OSBPL11: variants seen among roughly 807,000 people sequenced by gnomAD.
OSBPL11 encodes the protein oxysterol-binding protein-related protein 11.
In OSBPL11, 33 loss-of-function variants were observed where a neutral mutation model predicts 84.4. The ratio of observed to expected loss-of-function variants is 0.39; its 90% CI spans 0.30 to 0.52. The LOEUF (loss-of-function observed/expected upper bound fraction) is 0.52. Among genes scored for constraint, OSBPL11 ranks in the 20% least tolerant of loss-of-function variants. The pLI is 0.72. For missense variants in OSBPL11, 736 were observed against 901.1 expected, an observed-to-expected ratio of 0.82 and a Z score of 2.35; for synonymous variants, 276 against 310.2, an observed-to-expected ratio of 0.89 and a Z score of 1.16.
intron 6 of OSBPL11, among the ~76,000 whole-genome samples, chr3:125,564,639 A>C (rs1265200066): frequency 2.0e-5 from 3 of 151,656 alleles, no homozygotes; most frequent in Non-Finnish European, 4.4e-5. Context: ...GAAATGTAGG[A>C]GTAGGAAATG....
chr3:125,545,001 A>G (rs1027885044), intron 10 of OSBPL11, among the ~76,000 whole-genome samples: 4 of 152,166 alleles, frequency 2.6e-5, no homozygotes, highest in Non-Finnish European at 5.9e-5. Context: ...AGCCTTTTAG[A>G]TTTTCTAGAT....
In OSBPL11 at chr3:125,576,327, T is replaced by A. The variant is rs1446674142; in HGVS notation, c.528A>T (p.Ala176=). 1 of 1,600,196 alleles carries A rather than the reference T, an allele frequency of 6.2e-7. No homozygotes were observed. The stretch of plus-strand genomic sequence containing the variant: ...GCGATATAGGAGAATTACTACTAGA[T>A]GCAAGTGAGAAGCTCCGTGACTTCA... ...PPLKSRSFSL[A]SSSNSPISQR... is the part of the protein sequence containing the mutation. The change falls in exon 5 of 13, where the codon GCA becomes GCT. Residue 176 remains alanine, a synonymous_variant. Coordinates refer to ENST00000296220, the MANE Select transcript of OSBPL11 (RefSeq NM_022776.5).
intron 3 of OSBPL11, among the ~76,000 whole-genome samples, chr3:125,579,399 TATACTTTGTG>T (rs1238286888): frequency 1.3e-5 from 2 of 152,240 alleles, no homozygotes; most frequent in Admixed American, 6.5e-5. Flanking sequence ...GGATTACCAT[TATACTTTGTG>T]TATTCATTAA....
intron 10 of OSBPL11, among the ~76,000 whole-genome samples, chr3:125,542,257 A>G (rs994587948): frequency 4.6e-5 from 7 of 152,216 alleles, no homozygotes; most frequent in African/African-American, 1.7e-4. Flanking sequence ...TAAGAAAGGT[A>G]TATTTAAAAA....
chr3:125,532,519 G>A (rs1429842995), intron 11 of OSBPL11, among the ~76,000 whole-genome samples: 2 of 150,140 alleles, frequency 1.3e-5, no homozygotes, highest in East Asian at 2.0e-4. Flanking sequence ...GCTCTAACTC[G>A]CTGTCCAGAG....
chr3:125,574,145 G>A (rs1472519812), intron 5 of OSBPL11, among the ~76,000 whole-genome samples: 1 of 151,940 alleles, frequency 6.6e-6, no homozygotes. Context: ...CTTTTTCACT[G>A]TGGTGACATC....
intron 9 of OSBPL11, among the ~76,000 whole-genome samples, chr3:125,550,425 A>AAGAGAGAG (rs35797005): frequency 0.065 from 9,728 of 149,648 alleles, 438 homozygotes; most frequent in Non-Finnish European, 0.096. Context: ...AAAAAAAAAA[A>AAGAGAGAG]AGAGAGTACT....
At chr3:125,532,101 T>TG in intron 11 of OSBPL11, 87 bp from the exon 12 acceptor site, 1 of 1,355,680 alleles carries the variant, frequency 7.4e-7, no homozygotes, top group Non-Finnish European at 1.0e-6. Flanking sequence ...ACAATAATTT[T>TG]ATAAAATAAC....
intron 1 of OSBPL11, among the ~76,000 whole-genome samples, chr3:125,593,426 C>A (rs1936631687): frequency 1.3e-5 from 2 of 152,044 alleles, no homozygotes; most frequent in Admixed American, 6.6e-5. Context: ...TCGAGACCAG[C>A]CTGGCCAACA....
At chr3:125,572,848 T>C (rs1411718207) in intron 5 of OSBPL11, among the ~76,000 whole-genome samples, 1 of 146,480 alleles carries the variant, frequency 6.8e-6, no homozygotes, top group Middle Eastern at 3.3e-3. Flanking sequence ...ATATTTTATT[T>C]ATATATATTT....
At chr3:125,535,012 A>G (rs1935620181) in intron 11 of OSBPL11, among the ~76,000 whole-genome samples, 1 of 150,172 alleles carries the variant, frequency 6.7e-6, no homozygotes, top group East Asian at 1.9e-4. Flanking sequence ...AAAAAAAGAG[A>G]TTTTATAAAA....
At chr3:125,594,242 C>T (rs1210805063) in intron 1 of OSBPL11, among the ~76,000 whole-genome samples, 2 of 152,218 alleles carry the variant, frequency 1.3e-5, no homozygotes, top group African/African-American at 4.8e-5. Context: ...AAGTTTTGAG[C>T]ACCAGTATTT....
At position 125,547,656 on chromosome 3, in the gene OSBPL11, T is replaced by C. The variant is rs954376471; in HGVS notation, c.1655-64A>G. 8 of 1,306,504 alleles carry C rather than the reference T, an allele frequency of 6.1e-6. No homozygotes were observed. In the South Asian group the frequency reaches 9.0e-5, roughly 15 times the overall value. 80.9% of individuals were successfully genotyped at this position (1,306,504 alleles called of 1,614,324 possible). A position where few individuals can be genotyped will look rare whatever the true frequency, so the allele number is the denominator to read the frequency against. On this transcript the variant is annotated intron_variant, in intron 9 of 12. Transcript: ENST00000296220. ...AAGAAACAGCTAATGAAACAATCCA[T>C]ATTAATTTTGTTCTTGTCTAGTAAA... is the stretch of plus-strand genomic sequence containing the variant.
chr3:125,562,962 A>T (rs1043084978), intron 7 of OSBPL11, among the ~76,000 whole-genome samples: 3 of 151,700 alleles, frequency 2.0e-5, no homozygotes, highest in Non-Finnish European at 4.4e-5. Flanking sequence ...ACAAGATAAT[A>T]AAGTGTTATT....
At chr3:125,552,137 GTGTGTA>G (rs2107595454) in intron 9 of OSBPL11, 38 bp downstream of exon 9, 3 of 966,548 alleles carry the variant, frequency 3.1e-6, no homozygotes, top group South Asian at 3.0e-5. Context: ...ATATATGTGT[GTGTGTA>G]TATATATATA....
intron 12 of OSBPL11, 49 bp downstream of exon 12, chr3:125,531,812 T>G (rs779245650): frequency 6.5e-7 from 1 of 1,532,654 alleles, no homozygotes; most frequent in Non-Finnish European, 8.8e-7. Context: ...TAAGCTAAAG[T>G]TCTCAGCCAA....
chr3:125,563,913 T>C, intron 6 of OSBPL11, 70 bp from the exon 7 acceptor site: 1 of 1,573,376 alleles, frequency 6.4e-7, no homozygotes, highest in East Asian at 2.2e-5. Flanking sequence ...ATGTGGATTT[T>C]AACAATTTTG....
In OSBPL11 at chr3:125,567,424, C is replaced by A. The variant is rs551495875; in HGVS notation, c.838G>T (p.Ala280Ser). The change falls in exon 6 of 13, where the codon GCA (alanine) becomes TCA (serine). Residue 280 changes from alanine (A) to serine (S), a missense_variant. Ala to Ser is a moderately conservative substitution (Grantham distance 99). Coordinates refer to ENST00000296220, the MANE Select transcript of OSBPL11 (RefSeq NM_022776.5). ...DCFHILQLQH[A>S]SHQKGSLPSG... ...GGCAATGAGCCCTTCTGATGTGATG[C>A]ATGCTGTAACTGGAGAATATGAAAG... 1.9e-6 allele frequency: 3 copies of A among 1,614,116 alleles called. No individual in the cohort carries two copies. The South Asian group carries it at 3.3e-5, about 18-fold the overall frequency.
At chr3:125,586,691 A>G (rs1479017616) in intron 1 of OSBPL11, among the ~76,000 whole-genome samples, 1 of 151,636 alleles carries the variant, frequency 6.6e-6, no homozygotes, top group Non-Finnish European at 1.5e-5. Flanking sequence ...TACTTTTTCT[A>G]TTTGTAGTAG....
Sources: gnomAD v4.1 joint callset for allele counts (sites outside exome capture counted in the v4.1 genomes callset) on GRCh38, gnomAD v4.1.1 for gene constraint, MANE v1.5 for transcripts, NCBI Gene and HGNC (gene_info 2026-07-23, HGNC 2026-07-21) for gene names.